The following AR variants were observed in gnomAD, a reference collection of about 807,000 sequenced individuals.
The protein encoded by AR is androgen receptor.
AR carries 8 observed loss-of-function variants against 53.9 expected under a neutral mutation model. The observed-to-expected ratio is 0.15, with a 90% CI of 0.09 to 0.27. The LOEUF (loss-of-function observed/expected upper bound fraction) is 0.27. Among genes scored for constraint, AR ranks in the 10% least tolerant of loss-of-function variants. The pLI is 1.00. For synonymous variants in AR, 359 were observed against 316.4 expected (o/e 1.13, Z -1.43); for missense variants, 639 against 742.5 (o/e 0.86, Z 1.62).
At position 67,545,557 on chromosome X, in the gene AR, C is replaced by T. The variant is rs1308331665; in HGVS notation, c.411C>T (p.Ala137=). ...GAGGTTGCGTCCCAGAGCCTGGAGC[C>T]GCCGTGGCCGCCAGCAAGGGGCTGC... is the stretch of plus-strand genomic sequence containing the variant. The part of the protein sequence containing the change: ...PERGCVPEPG[A]AVAASKGLPQ... Residue 137 remains alanine, a synonymous_variant, in exon 1 of 8, where the codon GCC becomes GCT. Transcript: ENST00000374690. 1.7e-6 allele frequency: 2 copies of T among 1,181,018 alleles called. No individual in the cohort carries two copies. Among genetic ancestry groups the T allele is most frequent in the South Asian group, 3.7e-5 (2 of 53,618 alleles).
chrX:67,571,480 C>G (rs919922266), intron 1 of AR, among the ~76,000 whole-genome samples: 1 of 110,909 alleles, frequency 9.0e-6, no homozygotes, highest in Non-Finnish European at 1.9e-5. Flanking sequence ...TATGGTAGTC[C>G]CTGAGAAGGA....
intron 4 of AR, among the ~76,000 whole-genome samples, chrX:67,714,817 G>A (rs1368937433): frequency 1.8e-5 from 2 of 111,688 alleles, no homozygotes; most frequent in Non-Finnish European, 3.8e-5. Context: ...TGATAGTCAT[G>A]TAGGCTACTT....
rs781422644 is a variant in AR, at chrX:67,545,457, C to T, written c.311C>T (p.Pro104Leu). 1 of 1,200,619 alleles carries T rather than the reference C, an allele frequency of 8.3e-7. No homozygotes were observed. Among genetic ancestry groups the T allele is most frequent in the Middle Eastern group, 2.4e-4 (1 of 4,167 alleles). ...DGSPQAHRRG[P>L]TGYLVLDEEQ... Reference sequence around the variant, plus strand: ...TCTCCCCAAGCCCATCGTAGAGGCCCCACAGGCTACCTGGTCCTGGATGAG... The same window carrying T: ...TCTCCCCAAGCCCATCGTAGAGGCCTCACAGGCTACCTGGTCCTGGATGAG... The change falls in exon 1 of 8, where the codon CCC (proline) becomes CTC (leucine). Residue 104 changes from proline to leucine, a missense_variant. This residue lies in a region of AR where 55 missense variants were observed against 84.8 expected (regional missense o/e 0.65). Coordinates refer to ENST00000374690, the MANE Select transcript of AR (RefSeq NM_000044.6).
intron 1 of AR, among the ~76,000 whole-genome samples, chrX:67,577,647 A>G (rs1253522024): frequency 2.7e-5 from 3 of 111,337 alleles, no homozygotes; most frequent in African/African-American, 9.8e-5. Flanking sequence ...CATTATTGTC[A>G]TTGTCCTTTT....
chrX:67,568,751 C>T (rs1921667259), intron 1 of AR: 2 of 883,481 alleles, frequency 2.3e-6, no homozygotes, highest in African/African-American at 2.0e-5. Context: ...GTTTGCTTAT[C>T]TGCGCCGTCC....
intron 2 of AR, among the ~76,000 whole-genome samples, chrX:67,650,976 G>A (rs1926307733): frequency 9.0e-6 from 1 of 111,288 alleles, no homozygotes; most frequent in Non-Finnish European, 1.9e-5. Context: ...TAGGGTATTG[G>A]GCTGACATAT....
rs1221036950 is a variant in AR, at chrX:67,660,155, C to T, written c.1768+16748C>T. On this transcript the variant is annotated intron_variant, in intron 2 of 7. Coordinates refer to ENST00000374690, the MANE Select transcript of AR (RefSeq NM_000044.6). ...TAGATTGCAAAAGTTTTCTCCCATT[C>T]TGTAGGTTGCCTGTTCACTCTGATG... 2.7e-5 allele frequency among the ~76,000 whole-genome samples: 3 copies of T among 111,819 alleles called. No individual in the cohort carries two copies. The East Asian group carries it at 8.4e-4, about 31-fold the overall frequency.
At chrX:67,560,890 T>C (rs982743324) in intron 1 of AR, among the ~76,000 whole-genome samples, 32 of 112,054 alleles carry the variant, frequency 2.9e-4, no homozygotes, top group African/African-American at 1.0e-3. Context: ...TGACACAATA[T>C]GGTTGAAAGA....
chrX:67,616,604 G>A (rs919571447), intron 1 of AR, among the ~76,000 whole-genome samples: 7 of 111,302 alleles, frequency 6.3e-5, no homozygotes, highest in African/African-American at 2.3e-4. Context: ...CCAGGAGAAA[G>A]TGGCTGAAGA....
At chrX:67,583,309 C>A (rs1160918925) in intron 1 of AR, among the ~76,000 whole-genome samples, 3 of 111,899 alleles carry the variant, frequency 2.7e-5, no homozygotes, top group African/African-American at 9.7e-5. Context: ...TCATTTTATT[C>A]TGATTTATGT....
intron 1 of AR, among the ~76,000 whole-genome samples, chrX:67,607,803 C>A (rs1923700026): frequency 8.9e-6 from 1 of 111,944 alleles, no homozygotes; most frequent in South Asian, 3.7e-4. Context: ...AGCTGGAGTT[C>A]CACATGTAAC....
chrX:67,599,734 G>A (rs536521199), intron 1 of AR, among the ~76,000 whole-genome samples: 9 of 112,084 alleles, frequency 8.0e-5, no homozygotes, highest in Middle Eastern at 4.6e-3. Flanking sequence ...TAGAGATTTC[G>A]CAATGCTGAT....
chrX:67,723,974 A>G lies in AR; in HGVS notation c.*133A>G, dbSNP rs2076148129. ...TATTGATGTACAGTCTGTCATGAAC[A>G]TGTTCCTGAATTCTATTTGCTGGGC... On this transcript the variant is annotated 3_prime_UTR_variant, in exon 8 of 8. Transcript: ENST00000374690. 11 of 860,906 alleles carry G rather than the reference A, an allele frequency of 1.3e-5. No homozygotes were observed. The highest frequency in any genetic ancestry group is 4.4e-4 in the Middle Eastern group (1 of 2,256). The allele number at this position is 860,906 out of a possible 1,213,427, so 70.9% of individuals were successfully genotyped here.
At chrX:67,686,228 G>C in intron 3 of AR, 102 bp downstream of exon 3, 1 of 907,276 alleles carries the variant, frequency 1.1e-6, no homozygotes, top group Non-Finnish European at 1.6e-6. Context: ...ATGCTTCCAA[G>C]GGGACCAGCC....
chrX:67,606,560 TTTTA>T (rs1923633322), intron 1 of AR, among the ~76,000 whole-genome samples: 1 of 111,297 alleles, frequency 9.0e-6, no homozygotes, highest in Admixed American at 9.6e-5. Context: ...AACAAAAACT[TTTTA>T]CCCTTTGAAG....
chrX:67,711,983 C>A (rs1031384007), intron 4 of AR, among the ~76,000 whole-genome samples: 3 of 112,334 alleles, frequency 2.7e-5, no homozygotes, highest in African/African-American at 9.7e-5. Context: ...CCATTAATCA[C>A]AAATCACATA....
At chrX:67,590,759 T>C (rs1453167771) in intron 1 of AR, among the ~76,000 whole-genome samples, 4 of 111,983 alleles carry the variant, frequency 3.6e-5, no homozygotes. Flanking sequence ...ACTATCCTAG[T>C]AAGAAAATTC....
intron 3 of AR, chrX:67,695,640 T>G (rs1238826808): frequency 1.3e-6 from 1 of 750,638 alleles, no homozygotes; most frequent in African/African-American, 2.3e-5. Flanking sequence ...AGTGGAGAAG[T>G]GGAGTCTGTG....
At chrX:67,679,110 A>G (rs1308072836) in intron 2 of AR, among the ~76,000 whole-genome samples, 1 of 111,474 alleles carries the variant, frequency 9.0e-6, no homozygotes, top group East Asian at 2.8e-4. Context: ...TCTAGAATGC[A>G]TACATATATC....
Sources: allele counts gnomAD v4.1 joint callset (sites outside exome capture counted in the v4.1 genomes callset), GRCh38; gene constraint gnomAD v4.1.1; regional missense constraint gnomAD v4.1.1; transcripts MANE v1.5; gene names NCBI Gene and HGNC (gene_info 2026-07-23, HGNC 2026-07-21).